TKT: variants seen among roughly 807,000 people sequenced by gnomAD.
TKT encodes transketolase.
A neutral mutation model predicts 63.9 loss-of-function variants in TKT; 47 were observed. The observed-to-expected ratio is 0.74, with a 90% CI of 0.58 to 0.94. The LOEUF is 0.94. Among genes scored for constraint, TKT ranks in the 40% least tolerant of loss-of-function variants. The pLI, the probability that TKT is intolerant of heterozygous loss-of-function variation, is 0.00. For missense variants in TKT, 721 were observed against 846.2 expected, an observed-to-expected ratio of 0.85 and a Z score of 1.84; for synonymous variants, 338 against 334.1, an observed-to-expected ratio of 1.01 and a Z score of -0.13.
chr3:53,228,911 C>A, intron 10 of TKT, 96 bp downstream of exon 10: 1 of 1,537,104 alleles, frequency 6.5e-7, no homozygotes, highest in African/African-American at 1.4e-5. Context: ...CAGGAAACAC[C>A]CCCTGGGGCA....
At chr3:53,231,587 A>T (rs1704763471) in intron 6 of TKT, 37 bp from the exon 7 acceptor site, 1 of 1,583,638 alleles carries the variant, frequency 6.3e-7, no homozygotes, top group African/African-American at 1.4e-5. Context: ...GGAATGGGTA[A>T]GACAGAAGCT....
At chr3:53,233,382 CCCA>C (rs1220317101) in intron 5 of TKT, 108 bp from the exon 6 acceptor site, 2 of 744,100 alleles carry the variant, frequency 2.7e-6, no homozygotes, top group African/African-American at 1.8e-5. Context: ...CAGGCTCCAC[CCCA>C]CAACTGCGGC....
At chr3:53,234,910 G>A in intron 5 of TKT, 73 bp downstream of exon 5, 2 of 1,457,856 alleles carry the variant, frequency 1.4e-6, no homozygotes, top group Non-Finnish European at 1.8e-6. Context: ...TCCTGCACCT[G>A]CACCTGCAAA....
At position 53,247,343 on chromosome 3, in the gene TKT, G is replaced by A. The variant is rs184376308; in HGVS notation, c.108-5101C>T. Among the ~76,000 whole-genome samples, 433 of 118,838 alleles carry A rather than the reference G, an allele frequency of 3.6e-3. 1 individual carries two copies. Among genetic ancestry groups the A allele is most frequent in the Admixed American group, 8.2e-3 (81 of 9,870 alleles). 78.0% of individuals were successfully genotyped at this position (118,838 alleles called of 152,430 possible). A position where few individuals can be genotyped will look rare whatever the true frequency, so the allele number is the denominator to read the frequency against. Reference sequence around the variant, plus strand: ...TTGCACTCCAGCCTGGGAGACAAGAGTGAAACTCAGCCTCAAAAAAAAAAA... The same window carrying A: ...TTGCACTCCAGCCTGGGAGACAAGAATGAAACTCAGCCTCAAAAAAAAAAA... On this transcript the variant is annotated intron_variant, in intron 1 of 13. Transcript: ENST00000462138.
At chr3:53,254,840 T>C (rs940590403) in intron 1 of TKT, among the ~76,000 whole-genome samples, 1 of 152,216 alleles carries the variant, frequency 6.6e-6, no homozygotes, top group South Asian at 2.1e-4. Context: ...CCTCATTAAT[T>C]ATCCCTGTCT....
intron 1 of TKT, among the ~76,000 whole-genome samples, chr3:53,247,633 C>CAAA (rs3075723): frequency 0.039 from 2,630 of 66,638 alleles, 141 homozygotes; most frequent in African/African-American, 0.073. Flanking sequence ...GACTCCACCT[C>CAAA]AAAAAAAAAA....
chr3:53,231,823 G>C lies in TKT; in HGVS notation c.749-273C>G, dbSNP rs1363243448. The stretch of plus-strand genomic sequence containing the variant: ...GAAAGGAGGGGCCAGACGTGGGCAG[G>C]TGTGTGTTTCTGGGCCCACTGCCCC... On this transcript the variant is annotated intron_variant, in intron 6 of 13. Coordinates refer to ENST00000462138, the MANE Select transcript of TKT (RefSeq NM_001064.4). 1.3e-5 allele frequency: 6 copies of C among 476,186 alleles called. No individual in the cohort carries two copies. The East Asian group carries it at 2.1e-4, about 17-fold the overall frequency. The allele number at this position is 476,186 out of a possible 1,614,324, so 29.5% of individuals were successfully genotyped here.
chr3:53,242,059 T>C, intron 2 of TKT, 66 bp downstream of exon 2: 2 of 1,490,724 alleles, frequency 1.3e-6, no homozygotes, highest in Non-Finnish European at 1.9e-6. Context: ...CCACTCACCA[T>C]TCCAGGGCCC....
At chr3:53,247,879 T>G (rs1294035916) in intron 1 of TKT, among the ~76,000 whole-genome samples, 3 of 152,080 alleles carry the variant, frequency 2.0e-5, no homozygotes, top group Non-Finnish European at 4.4e-5. Flanking sequence ...CACTCATGCT[T>G]GCCACCTGAC....
In TKT at chr3:53,230,537, T is replaced by C; in HGVS notation, c.1027A>G (p.Lys343Glu). Reference protein sequence around the residue: ...DRIIALDGDTKNSTFSEIFKK... With the variant: ...DRIIALDGDTENSTFSEIFKK... ...AAGATCTCCGAGAAGGTGGAATTTT[T>C]GGTGTCCCCATCCAGGGCGATGATG... is the stretch of plus-strand genomic sequence containing the variant. Residue 343 changes from lysine (K) to glutamate (E), a missense_variant, in exon 8 of 14, where the codon AAA becomes GAA. Coordinates refer to ENST00000462138, the MANE Select transcript of TKT (RefSeq NM_001064.4). 1.2e-6 allele frequency: 2 copies of C among 1,614,240 alleles called. No individual in the cohort carries two copies. The highest frequency in any genetic ancestry group is 1.7e-6 in the Non-Finnish European group (2 of 1,180,024).
intron 1 of TKT, among the ~76,000 whole-genome samples, chr3:53,254,713 G>A (rs1372512908): frequency 2.0e-5 from 3 of 152,210 alleles, no homozygotes; most frequent in Non-Finnish European, 4.4e-5. Flanking sequence ...ACCACCCAGC[G>A]TGGTTAAGTG....
rs782014228 is a variant in TKT, at chr3:53,255,971, C to A, written c.-29G>T. On this transcript the variant is annotated 5_prime_UTR_variant, in exon 1 of 14. Transcript: ENST00000462138. ...GCGGCAGGCGGGGACCGGGCGCACA[C>A]GCGGACACACAGAGATAGCGGCTGC... The A allele has an allele frequency of 1.4e-6, 2 of 1,462,074 alleles. No individual in the cohort carries two copies. Among genetic ancestry groups the A allele is most frequent in the Non-Finnish European group, 1.8e-6 (2 of 1,088,536 alleles). 90.6% of individuals were successfully genotyped at this position (1,462,074 alleles called of 1,614,324 possible).
At position 53,255,797 on chromosome 3, in the gene TKT, C is replaced by A. The variant is rs182193726; in HGVS notation, c.107+39G>T. 2.2e-3 allele frequency: 3,001 copies of A among 1,379,638 alleles called. 60 individuals are homozygous for A. In the African/African-American group the frequency reaches 0.038, roughly 17 times the overall value. 85.5% of individuals were successfully genotyped at this position (1,379,638 alleles called of 1,614,324 possible). A position where few individuals can be genotyped will look rare whatever the true frequency, so the allele number is the denominator to read the frequency against. On this transcript the variant is annotated intron_variant, in intron 1 of 13. Coordinates refer to ENST00000462138, the MANE Select transcript of TKT (RefSeq NM_001064.4). ...CTGGCCGCCGCAGACGCCCCCCGCC[C>A]CGCCCGAGCCGCGTCCCCGGCCGGC... is the stretch of plus-strand genomic sequence containing the variant.
intron 1 of TKT, among the ~76,000 whole-genome samples, chr3:53,253,216 G>A (rs1047844229): frequency 4.6e-5 from 7 of 152,234 alleles, no homozygotes; most frequent in Middle Eastern, 3.4e-3. Flanking sequence ...GGCCTCAAGC[G>A]AACCTTCTGC....
Position 53,255,964 on chromosome 3 carries a change from G to A in TKT, c.-22C>T. 5.4e-6 allele frequency: 8 copies of A among 1,482,928 alleles called. No homozygotes were observed. The highest frequency in any genetic ancestry group is 7.2e-6 in the Non-Finnish European group (8 of 1,104,372). 91.9% of individuals were successfully genotyped at this position (1,482,928 alleles called of 1,614,324 possible). A position where few individuals can be genotyped will look rare whatever the true frequency, so the allele number is the denominator to read the frequency against. On this transcript the variant is annotated 5_prime_UTR_variant, in exon 1 of 14. Transcript: ENST00000462138. Reference sequence around the variant, plus strand: ...CCATGGTGCGGCAGGCGGGGACCGGGCGCACACGCGGACACACAGAGATAG... The same window carrying A: ...CCATGGTGCGGCAGGCGGGGACCGGACGCACACGCGGACACACAGAGATAG...
At chr3:53,242,685 G>A (rs140952899) in intron 1 of TKT, among the ~76,000 whole-genome samples, 234 of 152,242 alleles carry the variant, frequency 1.5e-3, no homozygotes, top group Admixed American at 4.2e-3. Flanking sequence ...AAGGGGTGCC[G>A]GCATTCCTAC....
intron 1 of TKT, among the ~76,000 whole-genome samples, chr3:53,247,126 A>G (rs1705543310): frequency 6.6e-6 from 1 of 151,436 alleles, no homozygotes; most frequent in Non-Finnish European, 1.5e-5. Flanking sequence ...GGAGACAGAG[A>G]CAGGTGGATC....
intron 5 of TKT, 54 bp downstream of exon 5, chr3:53,234,929 C>G (rs1241222785): frequency 2.6e-6 from 4 of 1,530,526 alleles, no homozygotes; most frequent in Non-Finnish European, 3.5e-6. Context: ...AAGCTGTGAT[C>G]ACAGACCACT....
intron 1 of TKT, among the ~76,000 whole-genome samples, chr3:53,244,225 C>T (rs12493802): frequency 0.5 from 76,028 of 152,154 alleles, 20,378 homozygotes; most frequent in Admixed American, 0.62. Context: ...CAAGTAAACA[C>T]GCACAAAAGA....
Sources: gnomAD v4.1 joint callset for allele counts (sites outside exome capture counted in the v4.1 genomes callset) on GRCh38, gnomAD v4.1.1 for gene constraint, MANE v1.5 for transcripts, NCBI Gene and HGNC (gene_info 2026-07-23, HGNC 2026-07-21) for gene names.